FAM76A: variants seen among roughly 807,000 people sequenced by gnomAD.
The protein encoded by FAM76A is protein FAM76A.
FAM76A carries 32 observed loss-of-function variants against 46.2 expected under a neutral mutation model. That is an observed-to-expected ratio of 0.69 (90% CI 0.52 to 0.93). The LOEUF is 0.93. Ranked by LOEUF, FAM76A falls within the 40% of genes least tolerant of loss-of-function variation. The probability of loss-of-function intolerance (pLI) is 0.00; values close to 1 mark genes in which losing one functional copy is unlikely to be tolerated. For synonymous variants in FAM76A, 137 were observed against 127.0 expected (o/e 1.08, Z -0.53); for missense variants, 274 against 361.5 (o/e 0.76, Z 1.96).
At chr1:27,753,877 T>G (rs2088369222) in intron 6 of FAM76A, among the ~76,000 whole-genome samples, 1 of 152,160 alleles carries the variant, frequency 6.6e-6, no homozygotes, top group Non-Finnish European at 1.5e-5. Flanking sequence ...TGTTTTACTT[T>G]AAAGATTGTC....
Position 27,726,177 on chromosome 1 carries a change from C to T in FAM76A, c.81+16C>T, listed in dbSNP as rs1557771686. On this transcript the variant is annotated intron_variant, in intron 1 of 8. Coordinates refer to ENST00000373954, the MANE Select transcript of FAM76A (RefSeq NM_152660.3). Reference sequence around the variant, plus strand: ...GCTGTGCAAGGTGCGCGGGCTGGGGCGGCGGCCGGGAACTGGGGACGCAGG... The same window carrying T: ...GCTGTGCAAGGTGCGCGGGCTGGGGTGGCGGCCGGGAACTGGGGACGCAGG... 7.9e-7 allele frequency: 1 copy of T among 1,273,718 alleles called. No homozygotes were observed. The highest frequency in any genetic ancestry group is 9.9e-7 in the Non-Finnish European group (1 of 1,009,886). The allele number at this position is 1,273,718 out of a possible 1,614,324, so 78.9% of individuals were successfully genotyped here. A position where few individuals can be genotyped will look rare whatever the true frequency, so the allele number is the denominator to read the frequency against.
At chr1:27,754,276 T>A (rs766714130) in intron 6 of FAM76A, among the ~76,000 whole-genome samples, 3 of 152,010 alleles carry the variant, frequency 2.0e-5, no homozygotes, top group Non-Finnish European at 4.4e-5. Context: ...CCAGCTAATT[T>A]TTTATTTTTA....
chr1:27,752,798 G>A (rs150857225), intron 6 of FAM76A, among the ~76,000 whole-genome samples: 6 of 152,158 alleles, frequency 3.9e-5, no homozygotes, highest in African/African-American at 1.4e-4. Flanking sequence ...AAAGAGACTG[G>A]TTTTTCTGCC....
intron 4 of FAM76A, among the ~76,000 whole-genome samples, chr1:27,744,266 C>T (rs1374273537): frequency 6.6e-6 from 1 of 152,030 alleles, no homozygotes; most frequent in African/African-American, 2.4e-5. Context: ...GTAGCTGGGA[C>T]TACAGGTGCA....
chr1:27,737,012 C>A lies in FAM76A; in HGVS notation c.354+2829C>A, dbSNP rs556590095. 3.3e-5 allele frequency among the ~76,000 whole-genome samples: 5 copies of A among 152,182 alleles called. No homozygotes were observed. The East Asian group carries it at 9.7e-4, about 29-fold the overall frequency. On this transcript the variant is annotated intron_variant, in intron 4 of 8. Coordinates refer to ENST00000373954, the MANE Select transcript of FAM76A (RefSeq NM_152660.3). ...TTGCCCAGGCTAGAGTGCAATGGCACGATCTCGGCTCACCACAACCTCCAC... is the reference window on the plus strand; with the variant it reads ...TTGCCCAGGCTAGAGTGCAATGGCAAGATCTCGGCTCACCACAACCTCCAC...
chr1:27,742,496 C>A (rs946091437), intron 4 of FAM76A, among the ~76,000 whole-genome samples: 1 of 152,162 alleles, frequency 6.6e-6, no homozygotes, highest in Non-Finnish European at 1.5e-5. Context: ...GCTGTTCACT[C>A]ATTGTTCTTT....
chr1:27,727,953 G>A (rs1162784333), intron 2 of FAM76A, among the ~76,000 whole-genome samples: 1 of 151,830 alleles, frequency 6.6e-6, no homozygotes, highest in Non-Finnish European at 1.5e-5. Context: ...GATTACAGGT[G>A]CCTGCCACCA....
intron 8 of FAM76A, 102 bp downstream of exon 8, chr1:27,759,729 T>G: frequency 1.3e-6 from 1 of 779,942 alleles, no homozygotes; most frequent in Non-Finnish European, 2.0e-6. Context: ...CTTTTTTTTC[T>G]CAAAGTATTA....
chr1:27,759,768 T>G (rs2088472451), intron 8 of FAM76A, 141 bp downstream of exon 8: 1 of 622,678 alleles, frequency 1.6e-6, no homozygotes. Context: ...CCTTTTAGGT[T>G]TTTTTTTTTT....
chr1:27,746,814 C>G (rs1571488829), intron 5 of FAM76A, among the ~76,000 whole-genome samples: 1 of 152,142 alleles, frequency 6.6e-6, no homozygotes, highest in Non-Finnish European at 1.5e-5. Context: ...GGCTGGCTTA[C>G]ACCCGTAAAC....
In FAM76A at chr1:27,762,972, T is replaced by G. The variant is rs1387537344; in HGVS notation, c.*2391T>G. On this transcript the variant is annotated 3_prime_UTR_variant, in exon 9 of 9. Coordinates refer to ENST00000373954, the MANE Select transcript of FAM76A (RefSeq NM_152660.3). ...GATTTTTAAAAATCATGACACTGTT[T>G]TACCATGAAATTGAGTAGCTAACTT... 2 of 152,210 alleles carry G rather than the reference T, an allele frequency of 1.3e-5. No individual in the cohort carries two copies. 9.4% of individuals were successfully genotyped at this position (152,210 alleles called of 1,614,324 possible). A position where few individuals can be genotyped will look rare whatever the true frequency, so the allele number is the denominator to read the frequency against.
intron 4 of FAM76A, among the ~76,000 whole-genome samples, chr1:27,736,563 G>C (rs894339638): frequency 6.6e-6 from 1 of 151,996 alleles, no homozygotes; most frequent in Non-Finnish European, 1.5e-5. Flanking sequence ...ATTTGTTTTT[G>C]ATAGTTTAAA....
chr1:27,727,436 A>G (rs2087879149), intron 1 of FAM76A, 36 bp from the exon 2 acceptor site: 2 of 1,589,690 alleles, frequency 1.3e-6, no homozygotes, highest in African/African-American at 1.3e-5. Flanking sequence ...TCCATTTGTG[A>G]CTGCCTTTTA....
chr1:27,739,869 G>C (rs1356391114), intron 4 of FAM76A: 3 of 189,550 alleles, frequency 1.6e-5, no homozygotes, highest in Middle Eastern at 2.1e-3. Flanking sequence ...TACAGAGTTT[G>C]AATTTTAAGC....
At chr1:27,732,113 C>T (rs1338874375) in intron 2 of FAM76A, among the ~76,000 whole-genome samples, 5 of 152,188 alleles carry the variant, frequency 3.3e-5, no homozygotes, top group East Asian at 1.9e-4. Flanking sequence ...TGAGCCACCA[C>T]GCCCAGCCAC....
intron 5 of FAM76A, among the ~76,000 whole-genome samples, chr1:27,747,105 C>T (rs1041650840): frequency 2.6e-5 from 4 of 152,030 alleles, no homozygotes; most frequent in African/African-American, 9.7e-5. Context: ...AAAGCAGATT[C>T]CTGCAGCAGT....
intron 2 of FAM76A, among the ~76,000 whole-genome samples, 165 bp downstream of exon 2, chr1:27,727,701 A>G (rs2087884036): frequency 2.0e-5 from 3 of 152,040 alleles, no homozygotes; most frequent in Admixed American, 2.0e-4. Flanking sequence ...ATTTAGGTCT[A>G]TGATCCATCT....
rs754732403 is a variant in FAM76A at position 27,759,612 on chromosome 1, C to T, written c.822C>T (p.Val274=). ...AGATGGAGAAAACCCACAAAGAAGTCACAGAACAACTGCAGGTGACTGACT... is the reference window on the plus strand; with the variant it reads ...AGATGGAGAAAACCCACAAAGAAGTTACAGAACAACTGCAGGTGACTGACT... ...MNQMEKTHKE[V]TEQLQAKNRE... Residue 274 remains valine (V), a synonymous_variant, in exon 8 of 9, where the codon GTC becomes GTT. Transcript: ENST00000373954. 7.4e-6 allele frequency: 12 copies of T among 1,612,762 alleles called. No homozygotes were observed. The highest frequency in any genetic ancestry group is 2.7e-5 in the African/African-American group (2 of 74,836).
intron 7 of FAM76A, 42 bp downstream of exon 7, chr1:27,755,372 G>A (rs765852009): frequency 6.2e-7 from 1 of 1,609,494 alleles, no homozygotes; most frequent in Non-Finnish European, 8.5e-7. Flanking sequence ...ATGATGCGAG[G>A]GTGAGATATG....
Sources: gnomAD v4.1 joint callset for allele counts (sites outside exome capture counted in the v4.1 genomes callset) on GRCh38, gnomAD v4.1.1 for gene constraint, MANE v1.5 for transcripts, NCBI Gene and HGNC (gene_info 2026-07-23, HGNC 2026-07-21) for gene names.